Variants in GLG1 observed in about 807,000 individuals in gnomAD.
The protein encoded by GLG1 is golgi glycoprotein 1.
GLG1 carries 38 observed loss-of-function variants against 160.5 expected under a neutral mutation model. The observed-to-expected ratio is 0.24, with a 90% CI of 0.18 to 0.31. The LOEUF (loss-of-function observed/expected upper bound fraction) is 0.31, where lower values mean the gene tolerates loss of function less well. Ranked by LOEUF, GLG1 falls within the 10% of genes least tolerant of loss-of-function variation. GLG1 has a pLI of 1.00. For missense variants in GLG1, 1,373 were observed against 1,505.2 expected, an observed-to-expected ratio of 0.91 and a Z score of 1.45; for synonymous variants, 644 against 543.4, an observed-to-expected ratio of 1.19 and a Z score of -2.57.
At chr16:74,533,131 T>G (rs1359555274) in intron 1 of GLG1, among the ~76,000 whole-genome samples, 1 of 151,884 alleles carries the variant, frequency 6.6e-6, no homozygotes, top group African/African-American at 2.4e-5. Flanking sequence ...CCATCCTGGC[T>G]AACACAGTGA....
chr16:74,579,190 C>A (rs543448573), intron 1 of GLG1, among the ~76,000 whole-genome samples: 2 of 151,718 alleles, frequency 1.3e-5, no homozygotes, highest in Non-Finnish European at 2.9e-5. Flanking sequence ...CTTAAAAATA[C>A]AAACAACAAC....
intron 4 of GLG1, 71 bp from the exon 5 acceptor site, chr16:74,496,715 C>G: frequency 3.3e-6 from 1 of 301,100 alleles, no homozygotes; most frequent in South Asian, 5.7e-5. Context: ...CATTTGGCTA[C>G]ACACACACAC....
At chr16:74,493,443 A>C (rs1030189211) in intron 6 of GLG1, among the ~76,000 whole-genome samples, 1 of 152,266 alleles carries the variant, frequency 6.6e-6, no homozygotes, top group African/African-American at 2.4e-5. Flanking sequence ...CTTGACACAC[A>C]GCATTCTTTT....
chr16:74,605,932 T>G (rs1309455124), intron 1 of GLG1, among the ~76,000 whole-genome samples: 1 of 152,126 alleles, frequency 6.6e-6, no homozygotes, highest in Non-Finnish European at 1.5e-5. Flanking sequence ...GATTATAAAT[T>G]ATCAATGTCA....
intron 14 of GLG1, 117 bp from the exon 15 acceptor site, chr16:74,471,403 A>G (rs1357951798): frequency 7.5e-6 from 5 of 670,742 alleles, no homozygotes; most frequent in Non-Finnish European, 1.4e-5. Context: ...CAAAAAAAAG[A>G]CACACCATAA....
intron 1 of GLG1, among the ~76,000 whole-genome samples, chr16:74,598,883 AAAC>A (rs1033868554): frequency 8.6e-5 from 13 of 151,616 alleles, no homozygotes; most frequent in Non-Finnish European, 1.2e-4. Context: ...CTCCACCTCA[AAAC>A]AACAACAACA....
chr16:74,599,456 G>T (rs531329168), intron 1 of GLG1, among the ~76,000 whole-genome samples: 11 of 152,300 alleles, frequency 7.2e-5, no homozygotes, highest in African/African-American at 2.4e-4. Flanking sequence ...GGTGGCTCAC[G>T]CCTGTAATCC....
intron 1 of GLG1, among the ~76,000 whole-genome samples, chr16:74,561,869 C>G (rs904017960): frequency 1.3e-5 from 2 of 152,132 alleles, no homozygotes; most frequent in Non-Finnish European, 2.9e-5. Flanking sequence ...AGAAAATGAT[C>G]CAAATAGAAA....
chr16:74,502,172 G>A (rs1002460888), intron 4 of GLG1, among the ~76,000 whole-genome samples: 1 of 152,196 alleles, frequency 6.6e-6, no homozygotes, highest in Non-Finnish European at 1.5e-5. Context: ...GTAGATTAAT[G>A]AGCAGCAGCA....
At chr16:74,501,587 T>C (rs2016405355) in intron 4 of GLG1, among the ~76,000 whole-genome samples, 1 of 152,170 alleles carries the variant, frequency 6.6e-6, no homozygotes. Flanking sequence ...GCTGCTACCT[T>C]GGTGGTTACC....
At chr16:74,525,356 G>A (rs935654534) in intron 2 of GLG1, among the ~76,000 whole-genome samples, 2 of 152,136 alleles carry the variant, frequency 1.3e-5, no homozygotes, top group African/African-American at 2.4e-5. Context: ...TCTCATTGTG[G>A]TTAGGATACA....
chr16:74,462,437 G>C (rs779312858), intron 21 of GLG1, 51 bp downstream of exon 21: 2 of 1,531,302 alleles, frequency 1.3e-6, no homozygotes, highest in Non-Finnish European at 1.8e-6. Context: ...AAAATTCCCA[G>C]GGACAGAGGC....
Position 74,581,438 on chromosome 16 carries a change from G to C in GLG1, c.438+25219C>G, listed in dbSNP as rs1040239630. On this transcript the variant is annotated intron_variant, in intron 1 of 25. Transcript: ENST00000422840. The stretch of plus-strand genomic sequence containing the variant: ...CCACTTACATGGAATACCTAGAGTA[G>C]TCAAATTCACAGAGATAAAAAATAG... Among the ~76,000 whole-genome samples the C allele has an allele frequency of 2.0e-5, 3 of 150,300 alleles. No individual in the cohort carries two copies. In the Admixed American group the frequency reaches 2.0e-4, roughly 10 times the overall value.
intron 1 of GLG1, among the ~76,000 whole-genome samples, chr16:74,591,385 T>C (rs944286110): frequency 2.0e-5 from 3 of 149,912 alleles, no homozygotes; most frequent in Non-Finnish European, 4.4e-5. Flanking sequence ...TCCCAGCACT[T>C]TGGGAGGCTG....
chr16:74,582,258 C>G (rs1431990130), intron 1 of GLG1, among the ~76,000 whole-genome samples: 1 of 152,014 alleles, frequency 6.6e-6, no homozygotes, highest in Non-Finnish European at 1.5e-5. Flanking sequence ...CCTCTGCCTC[C>G]CAGGTTCAAG....
chr16:74,547,638 A>G (rs1410808067), intron 1 of GLG1, among the ~76,000 whole-genome samples: 1 of 152,266 alleles, frequency 6.6e-6, no homozygotes, highest in African/African-American at 2.4e-5. Flanking sequence ...CTTTGAATGA[A>G]AGTGCTTTGA....
At position 74,498,448 on chromosome 16, in the gene GLG1, G is replaced by GTATA. The variant is rs61033032; in HGVS notation, c.775-1808_775-1805dup. On this transcript the variant is annotated intron_variant, in intron 4 of 25. Coordinates refer to ENST00000422840, the MANE Select transcript of GLG1 (RefSeq NM_001145667.2). ...GGCTCTGTCTCAAAAAAAAAAAAAAGTATATATATATATATATATTATATT... is the reference window on the plus strand; with the variant it reads ...GGCTCTGTCTCAAAAAAAAAAAAAAGTATATATATATATATATATATATTATATT... Among the ~76,000 whole-genome samples, 61 of 24,054 alleles carry GTATA rather than the reference G, an allele frequency of 2.5e-3. 11 individuals are homozygous for GTATA. The highest frequency in any genetic ancestry group is 8.5e-3 in the South Asian group (4 of 468). 15.8% of individuals were successfully genotyped at this position (24,054 alleles called of 152,430 possible).
At position 74,543,175 on chromosome 16, in the gene GLG1, G is replaced by T. The variant is rs565885763; in HGVS notation, c.439-11022C>A. On this transcript the variant is annotated intron_variant, in intron 1 of 25. Transcript: ENST00000422840. The stretch of plus-strand genomic sequence containing the variant: ...AGTGCAAATTACTGGTGCTTCTGAA[G>T]AGTACAGCTTGGATTCAGGAAGTGG... Among the ~76,000 whole-genome samples, 6 of 152,268 alleles carry T rather than the reference G, an allele frequency of 3.9e-5. No individual in the cohort carries two copies. In the South Asian group the frequency reaches 1.2e-3, roughly 32 times the overall value.
At chr16:74,476,504 T>C (rs1415673795) in intron 12 of GLG1, among the ~76,000 whole-genome samples, 2 of 152,220 alleles carry the variant, frequency 1.3e-5, no homozygotes, top group Non-Finnish European at 2.9e-5. Context: ...TTTCATACTG[T>C]ACTTCCAGAG....
Sources: gnomAD v4.1 joint callset for allele counts (sites outside exome capture counted in the v4.1 genomes callset) on GRCh38, gnomAD v4.1.1 for gene constraint, MANE v1.5 for transcripts, NCBI Gene and HGNC (gene_info 2026-07-23, HGNC 2026-07-21) for gene names.